Variants in LRRTM4 observed in about 807,000 individuals in gnomAD.
LRRTM4 encodes the protein leucine rich repeat transmembrane neuronal 4, also known as leucine-rich repeat transmembrane neuronal protein 4.
LRRTM4 carries 25 observed loss-of-function variants against 47.6 expected under a neutral mutation model. The ratio of observed to expected loss-of-function variants is 0.53; its 90% CI spans 0.38 to 0.73. The LOEUF (loss-of-function observed/expected upper bound fraction) is 0.73, where lower values mean the gene tolerates loss of function less well. Ranked by LOEUF, LRRTM4 falls within the 30% of genes least tolerant of loss-of-function variation. LRRTM4 has a pLI of 0.00. For missense variants in LRRTM4, 638 were observed against 713.4 expected, an observed-to-expected ratio of 0.89 and a Z score of 1.20; for synonymous variants, 311 against 269.5, an observed-to-expected ratio of 1.15 and a Z score of -1.51.
chr2:77,067,672 T>C (rs1422605133), intron 3 of LRRTM4, among the ~76,000 whole-genome samples: 1 of 139,750 alleles, frequency 7.2e-6, no homozygotes, highest in Non-Finnish European at 1.5e-5. Flanking sequence ...CGGTGATTGG[T>C]TTTCAAAGAT....
At chr2:76,771,916 C>T (rs1280833888) in intron 3 of LRRTM4, among the ~76,000 whole-genome samples, 1 of 152,062 alleles carries the variant, frequency 6.6e-6, no homozygotes, top group Non-Finnish European at 1.5e-5. Flanking sequence ...AGCTGCAGTC[C>T]AGCGTTTCTC....
At chr2:77,196,505 AG>A (rs1673830674) in intron 3 of LRRTM4, among the ~76,000 whole-genome samples, 2 of 152,138 alleles carry the variant, frequency 1.3e-5, no homozygotes, top group African/African-American at 4.8e-5. Context: ...GCACTGTGGG[AG>A]GTGGAGGGCA....
At chr2:77,293,210 A>C (rs1175486408) in intron 3 of LRRTM4, among the ~76,000 whole-genome samples, 2 of 152,168 alleles carry the variant, frequency 1.3e-5, no homozygotes, top group African/African-American at 4.8e-5. Context: ...GTACAGTGCA[A>C]ATAAAACCCA....
At chr2:77,117,855 A>T (rs773459949) in intron 3 of LRRTM4, among the ~76,000 whole-genome samples, 12 of 151,892 alleles carry the variant, frequency 7.9e-5, no homozygotes, top group Non-Finnish European at 1.8e-4. Flanking sequence ...CTGCTTTAAG[A>T]TTTCAATAGT....
chr2:76,911,946 G>C lies in LRRTM4; in HGVS notation c.1552-163030C>G, dbSNP rs971126371. Among the ~76,000 whole-genome samples the C allele has an allele frequency of 9.7e-5, 12 of 124,216 alleles. 1 individual carries two copies. Among genetic ancestry groups the C allele is most frequent in the South Asian group, 2.6e-4 (1 of 3,920 alleles). 81.5% of individuals were successfully genotyped at this position (124,216 alleles called of 152,430 possible). On this transcript the variant is annotated intron_variant, in intron 3 of 3. Transcript: ENST00000409884. Reference sequence around the variant, plus strand: ...TGGTATGTGCTTTTTGGGGGGGGGGGGGGGACAGAGTCTCGCTCTGTCGCC... The same window carrying C: ...TGGTATGTGCTTTTTGGGGGGGGGGCGGGGACAGAGTCTCGCTCTGTCGCC...
intron 3 of LRRTM4, among the ~76,000 whole-genome samples, chr2:77,019,253 C>CAAAAAAAAAAAAAAAAAAAA (rs56028060): frequency 1.2e-5 from 1 of 80,564 alleles, no homozygotes. Flanking sequence ...CACTGCTCTA[C>CAAAAAAAAAAAAAAAAAAAA]AAAAAAAAAA....
chr2:76,989,985 T>C (rs1363769133), intron 3 of LRRTM4: 2 of 151,792 alleles, frequency 1.3e-5, no homozygotes, highest in Non-Finnish European at 2.9e-5. Flanking sequence ...AAATATCTAA[T>C]AGGTTTCATA....
At chr2:77,104,944 T>C (rs372982811) in intron 3 of LRRTM4, among the ~76,000 whole-genome samples, 73 of 152,078 alleles carry the variant, frequency 4.8e-4, no homozygotes, top group African/African-American at 1.6e-3. Flanking sequence ...ACTACAAGAT[T>C]GTTAAACATT....
chr2:77,326,883 C>T (rs1214204634), intron 3 of LRRTM4, among the ~76,000 whole-genome samples: 1 of 152,104 alleles, frequency 6.6e-6, no homozygotes, highest in Admixed American at 6.5e-5. Flanking sequence ...TGTTTGAGAC[C>T]ATCACTTGAC....
chr2:76,781,662 C>A lies in LRRTM4; in HGVS notation c.1552-32746G>T, dbSNP rs903897803. On this transcript the variant is annotated intron_variant, in intron 3 of 3. Coordinates refer to ENST00000409884, the MANE Select transcript of LRRTM4 (RefSeq NM_001134745.3). Reference sequence around the variant, plus strand: ...GACCTGCGCCCACTGTCTGGCACTCCCAATGAGATTAACCCGGTACCTCAG... The same window carrying A: ...GACCTGCGCCCACTGTCTGGCACTCACAATGAGATTAACCCGGTACCTCAG... 2.0e-5 allele frequency among the ~76,000 whole-genome samples: 3 copies of A among 152,366 alleles called. No individual in the cohort carries two copies. In the South Asian group the frequency reaches 6.2e-4, roughly 32 times the overall value.
chr2:77,053,792 A>C (rs907686665), intron 3 of LRRTM4, among the ~76,000 whole-genome samples: 1 of 152,196 alleles, frequency 6.6e-6, no homozygotes, highest in Non-Finnish European at 1.5e-5. Context: ...ATTTTGAGCT[A>C]AAAGAGATTT....
chr2:77,417,764 T>TG (rs1316925692), intron 3 of LRRTM4, among the ~76,000 whole-genome samples: 5 of 81,994 alleles, frequency 6.1e-5, no homozygotes, highest in South Asian at 4.0e-4. Flanking sequence ...GGCCTGTTGT[T>TG]GGGGGGGAAG....
chr2:77,130,824 A>ACT (rs1671777227), intron 3 of LRRTM4, among the ~76,000 whole-genome samples: 2 of 35,622 alleles, frequency 5.6e-5, no homozygotes, highest in South Asian at 2.7e-3. Flanking sequence ...TATTTGTTCT[A>ACT]TTTTTTTTTT....
chr2:76,912,624 G>C (rs1373675438), intron 3 of LRRTM4, among the ~76,000 whole-genome samples: 2 of 152,190 alleles, frequency 1.3e-5, no homozygotes, highest in East Asian at 1.9e-4. Context: ...ATATGGTTTG[G>C]ATCTGTGTCC....
intron 3 of LRRTM4, among the ~76,000 whole-genome samples, chr2:76,864,175 T>TA (rs1277963567): frequency 7.1e-6 from 1 of 141,550 alleles, no homozygotes; most frequent in Non-Finnish European, 1.6e-5. Flanking sequence ...GAACAAGAAT[T>TA]AAACTAACTC....
intron 3 of LRRTM4, among the ~76,000 whole-genome samples, chr2:77,194,099 G>A (rs762947602): frequency 1.3e-5 from 2 of 152,124 alleles, no homozygotes; most frequent in African/African-American, 2.4e-5. Flanking sequence ...CTTCCCTGGG[G>A]CCGAGTGATG....
rs555456700 is a variant in LRRTM4, at chr2:76,993,869, C to A, written c.1552-244953G>T. 8.4e-3 allele frequency among the ~76,000 whole-genome samples: 1,281 copies of A among 151,950 alleles called. 23 individuals are homozygous for A. Among genetic ancestry groups the A allele is most frequent in the African/African-American group, 0.029 (1,206 of 41,478 alleles). Reference sequence around the variant, plus strand: ...GAAATCAACCTAGGTGTCCACCATTCATGGATTTGATAAAGAAAAATTTGG... The same window carrying A: ...GAAATCAACCTAGGTGTCCACCATTAATGGATTTGATAAAGAAAAATTTGG... On this transcript the variant is annotated intron_variant, in intron 3 of 3. Transcript: ENST00000409884.
intron 3 of LRRTM4, among the ~76,000 whole-genome samples, chr2:77,324,948 G>T (rs1216005898): frequency 5.3e-5 from 8 of 152,140 alleles, no homozygotes; most frequent in Non-Finnish European, 8.8e-5. Flanking sequence ...AATTATTTAA[G>T]AATTTGAATT....
chr2:76,756,318 G>T (rs987654081), intron 3 of LRRTM4, among the ~76,000 whole-genome samples: 2 of 151,888 alleles, frequency 1.3e-5, no homozygotes, highest in Admixed American at 1.3e-4. Flanking sequence ...TGACTTTTTT[G>T]GGCCAAACCA....
Sources: gnomAD v4.1 joint callset for allele counts (sites outside exome capture counted in the v4.1 genomes callset) on GRCh38, gnomAD v4.1.1 for gene constraint, MANE v1.5 for transcripts, NCBI Gene and HGNC (gene_info 2026-07-23, HGNC 2026-07-21) for gene names.